Variants in MOB1B observed in about 807,000 individuals in gnomAD.
The protein encoded by MOB1B is MOB kinase activator 1B, also known as MOB1 Mps One Binder homolog B.
Under a neutral mutation model 24.4 loss-of-function variants are expected in MOB1B, and 19 were observed. The observed-to-expected ratio is 0.78, with a 90% CI of 0.54 to 1.14. The LOEUF is 1.14. Ranked by LOEUF, MOB1B falls within the 50% of genes most tolerant of loss-of-function variation. MOB1B has a pLI of 0.00. For missense variants in MOB1B, 243 were observed against 259.6 expected (o/e 0.94, Z 0.44); for synonymous variants, 76 against 82.1 (o/e 0.93, Z 0.40).
chr4:70,947,402 T>A (rs1737629248), intron 1 of MOB1B, among the ~76,000 whole-genome samples: 1 of 152,132 alleles, frequency 6.6e-6, no homozygotes, highest in Admixed American at 6.5e-5. Context: ...CCTGAGTAGC[T>A]AGGACTACAG....
intron 1 of MOB1B, among the ~76,000 whole-genome samples, chr4:70,926,953 T>C (rs1736682205): frequency 6.7e-6 from 1 of 149,388 alleles, no homozygotes; most frequent in South Asian, 2.1e-4. Context: ...GCCGAGATTG[T>C]GACACTGCAC....
At position 70,950,573 on chromosome 4, in the gene MOB1B, A is replaced by G. The variant is rs1271458121; in HGVS notation, c.15-8301A>G. The G allele has an allele frequency of 7.0e-6, 3 of 427,666 alleles. No individual in the cohort carries two copies. The Admixed American group carries it at 1.0e-4, about 15-fold the overall frequency. 26.5% of individuals were successfully genotyped at this position (427,666 alleles called of 1,614,324 possible). A position where few individuals can be genotyped will look rare whatever the true frequency, so the allele number is the denominator to read the frequency against. On this transcript the variant is annotated intron_variant, in intron 1 of 5. Coordinates refer to ENST00000309395, the MANE Select transcript of MOB1B (RefSeq NM_173468.4). Reference sequence around the variant, plus strand: ...TAGATTTGTCATCCATAAAATAAAGAAAAATAATAGCTTGTATATCAGAGT... The same window carrying G: ...TAGATTTGTCATCCATAAAATAAAGGAAAATAATAGCTTGTATATCAGAGT...
intron 2 of MOB1B, among the ~76,000 whole-genome samples, chr4:70,963,986 G>A (rs758156590): frequency 5.3e-5 from 8 of 152,122 alleles, no homozygotes; most frequent in Non-Finnish European, 7.3e-5. Flanking sequence ...CCCGATAGTC[G>A]TGTTATGTCA....
chr4:70,933,518 A>T (rs989214487), intron 1 of MOB1B, among the ~76,000 whole-genome samples: 3 of 141,022 alleles, frequency 2.1e-5, no homozygotes, highest in Non-Finnish European at 3.1e-5. Flanking sequence ...AAATAGTTCT[A>T]TAGGGCTTGT....
intron 2 of MOB1B, among the ~76,000 whole-genome samples, chr4:70,967,198 A>G (rs1000926406): frequency 2.0e-5 from 3 of 146,604 alleles, no homozygotes; most frequent in African/African-American, 5.1e-5. Context: ...CAGTGGCGTG[A>G]TCTCAGCTCA....
chr4:70,972,072 G>A (rs77985884), intron 3 of MOB1B, among the ~76,000 whole-genome samples: 1 of 150,668 alleles, frequency 6.6e-6, no homozygotes, highest in East Asian at 1.9e-4. Context: ...TGTAGTTGTT[G>A]TCATAGTTCT....
At chr4:70,974,649 C>T (rs548903266) in intron 3 of MOB1B, among the ~76,000 whole-genome samples, 98 of 152,230 alleles carry the variant, frequency 6.4e-4, no homozygotes, top group Non-Finnish European at 1.2e-3. Flanking sequence ...ATGTCTAGAT[C>T]TTCAGTTAAA....
intron 1 of MOB1B, among the ~76,000 whole-genome samples, chr4:70,909,077 T>C (rs1735876521): frequency 6.6e-6 from 1 of 151,640 alleles, no homozygotes; most frequent in Non-Finnish European, 1.5e-5. Context: ...ATTAGCAATT[T>C]AGGAAAAGAG....
chr4:70,970,517 G>T (rs1030019745), intron 3 of MOB1B, among the ~76,000 whole-genome samples: 1 of 152,016 alleles, frequency 6.6e-6, no homozygotes, highest in African/African-American at 2.4e-5. Flanking sequence ...TGTTGGATTT[G>T]TTCTTTTAAT....
chr4:70,937,299 T>C (rs545174908), intron 1 of MOB1B, among the ~76,000 whole-genome samples: 73 of 152,066 alleles, frequency 4.8e-4, no homozygotes, highest in Non-Finnish European at 9.0e-4. Context: ...TTTAAGGTCT[T>C]ATCTTTGTAA....
intron 1 of MOB1B, among the ~76,000 whole-genome samples, chr4:70,907,651 G>A (rs1735799793): frequency 6.6e-6 from 1 of 152,092 alleles, no homozygotes; most frequent in African/African-American, 2.4e-5. Flanking sequence ...TAACATGGCA[G>A]AACCCCCATC....
intron 3 of MOB1B, 151 bp from the exon 4 acceptor site, chr4:70,975,002 C>A: frequency 1.9e-6 from 1 of 526,748 alleles, no homozygotes; most frequent in African/African-American, 2.0e-5. Context: ...GCAAAGTAGT[C>A]CACTGGGTAT....
upstream of MOB1B, chr4:70,902,221 C>T (rs532907913): frequency 5.6e-6 from 3 of 531,176 alleles, no homozygotes; most frequent in African/African-American, 2.0e-5. Context: ...CCGGGGTGGG[C>T]TTGCACCGCT....
intron 1 of MOB1B, 140 bp downstream of exon 1, chr4:70,902,690 G>A (rs1000806969): frequency 3.8e-6 from 3 of 782,700 alleles, no homozygotes; most frequent in African/African-American, 1.9e-5. Flanking sequence ...ACCAAGCGGG[G>A]CCCCGGGACT....
intron 1 of MOB1B, among the ~76,000 whole-genome samples, chr4:70,938,892 C>T (rs1004817062): frequency 3.3e-5 from 5 of 151,832 alleles, no homozygotes; most frequent in African/African-American, 7.2e-5. Flanking sequence ...ATCCTCCTGC[C>T]TTAGCCTCCC....
chr4:70,964,564 T>G (rs968072521), intron 2 of MOB1B, among the ~76,000 whole-genome samples: 3 of 152,116 alleles, frequency 2.0e-5, no homozygotes, highest in African/African-American at 7.2e-5. Flanking sequence ...AGGAAAAATA[T>G]TAAAAGTTAA....
At chr4:70,951,893 A>G (rs949234233) in intron 1 of MOB1B, among the ~76,000 whole-genome samples, 5 of 152,230 alleles carry the variant, frequency 3.3e-5, no homozygotes, top group African/African-American at 7.2e-5. Context: ...AAAGCACAAC[A>G]TTCTCCATAG....
chr4:70,952,935 CTTTTTT>C (rs71211985), intron 1 of MOB1B, among the ~76,000 whole-genome samples: 1 of 72,308 alleles, frequency 1.4e-5, no homozygotes, highest in Admixed American at 2.0e-4. Context: ...GTCATTTGGT[CTTTTTT>C]TTTTTTTTTT....
At chr4:70,924,094 A>G (rs1736558381) in intron 1 of MOB1B, among the ~76,000 whole-genome samples, 1 of 152,110 alleles carries the variant, frequency 6.6e-6, no homozygotes, top group Non-Finnish European at 1.5e-5. Context: ...GTTTGGGATC[A>G]TGTTTCAAAC....
Sources: allele counts gnomAD v4.1 joint callset (sites outside exome capture counted in the v4.1 genomes callset), GRCh38; gene constraint gnomAD v4.1.1; transcripts MANE v1.5; gene names NCBI Gene and HGNC (gene_info 2026-07-23, HGNC 2026-07-21).